Variants in NFXL1 observed in about 807,000 individuals in gnomAD.
NFXL1 encodes the protein nuclear transcription factor, X-box binding like 1.
In NFXL1, 66 loss-of-function variants were observed where a neutral mutation model predicts 123.3. The observed-to-expected ratio is 0.54, with a 90% CI of 0.44 to 0.66. NFXL1 has a LOEUF of 0.66. Ranked by LOEUF, NFXL1 falls within the 30% of genes least tolerant of loss-of-function variation. NFXL1 has a pLI of 0.00. For synonymous variants in NFXL1, 346 were observed against 360.8 expected, an observed-to-expected ratio of 0.96 and a Z score of 0.46; for missense variants, 944 against 1,125.6, an observed-to-expected ratio of 0.84 and a Z score of 2.31.
Position 47,889,946 on chromosome 4 carries a change from A to G in NFXL1, c.1543+667T>C, listed in dbSNP as rs1736668118. ...TTCTGTTAAGCTAGACATTAAAGAC[A>G]TTTGTAAAAATGTAAAATTTTCTAC... On this transcript the variant is annotated intron_variant, in intron 12 of 22. Coordinates refer to ENST00000507489, the MANE Select transcript of NFXL1 (RefSeq NM_001278624.2). 2.6e-5 allele frequency among the ~76,000 whole-genome samples: 4 copies of G among 152,178 alleles called. No homozygotes were observed. The South Asian group carries it at 6.2e-4, about 24-fold the overall frequency.
Position 47,848,228 on chromosome 4 carries a change from G to A in NFXL1, c.2671C>T (p.Leu891Phe), listed in dbSNP as rs752248993. ...LSLWQKHKYY[L>F]ISVCGVVVVV... ...ACCACAACTCCACACACTGAAATGA[G>A]ATAATATTTATGTTTTTGCCATAGT... The change falls in exon 23 of 23, where the codon CTC becomes TTC. Residue 891 changes from leucine (L) to phenylalanine (F), a missense_variant. Coordinates refer to ENST00000507489, the MANE Select transcript of NFXL1 (RefSeq NM_001278624.2). The A allele has an allele frequency of 6.2e-7, 1 of 1,612,530 alleles. No homozygotes were observed. Among genetic ancestry groups the A allele is most frequent in the Admixed American group, 1.7e-5 (1 of 59,968 alleles).
chr4:47,891,275 G>A (rs1736756400), intron 11 of NFXL1, among the ~76,000 whole-genome samples: 1 of 151,802 alleles, frequency 6.6e-6, no homozygotes, highest in Non-Finnish European at 1.5e-5. Flanking sequence ...CCACACCTCA[G>A]TAGTTTGTGT....
rs778957399 is a variant in NFXL1 at position 47,899,335 on chromosome 4, C to A, written c.826+35G>T. The A allele has an allele frequency of 2.6e-6, 4 of 1,543,078 alleles. No homozygotes were observed. In the South Asian group the frequency reaches 3.5e-5, roughly 13 times the overall value. ...GCCTCAATATAAGAAGAAATAATCA[C>A]CCACAAACAATTTAAAATGCAATAT... On this transcript the variant is annotated intron_variant, in intron 6 of 22. Transcript: ENST00000507489.
rs559855559 is a variant in NFXL1, at chr4:47,864,283, T to C, written c.2247-1368A>G. On this transcript the variant is annotated intron_variant, in intron 18 of 22. Transcript: ENST00000507489. Reference sequence around the variant, plus strand: ...ATTAACATGAAGCAGAAAAAGACTATGGTATAATAATATATACATATTGGT... The same window carrying C: ...ATTAACATGAAGCAGAAAAAGACTACGGTATAATAATATATACATATTGGT... Among the ~76,000 whole-genome samples, 14 of 152,284 alleles carry C rather than the reference T, an allele frequency of 9.2e-5. No homozygotes were observed. The East Asian group carries it at 1.7e-3, about 19-fold the overall frequency.
At chr4:47,869,083 G>A (rs961996755) in intron 18 of NFXL1, among the ~76,000 whole-genome samples, 3 of 152,096 alleles carry the variant, frequency 2.0e-5, no homozygotes, top group African/African-American at 7.2e-5. Flanking sequence ...AAATTATCCA[G>A]GCGTGGTGGT....
chr4:47,907,948 T>A (rs1012724714), intron 3 of NFXL1, among the ~76,000 whole-genome samples: 1 of 152,210 alleles, frequency 6.6e-6, no homozygotes, highest in Non-Finnish European at 1.5e-5. Flanking sequence ...CTTGCCAACC[T>A]AGACTTCTCA....
intron 20 of NFXL1, among the ~76,000 whole-genome samples, chr4:47,853,098 G>A (rs1280640126): frequency 6.6e-6 from 1 of 151,910 alleles, no homozygotes; most frequent in Non-Finnish European, 1.5e-5. Flanking sequence ...TAAGTATCGT[G>A]TGTTTATAGA....
chr4:47,884,387 C>A lies in NFXL1; in HGVS notation c.1875G>T (p.Gln625His), dbSNP rs1736303542. 6.2e-7 allele frequency: 1 copy of A among 1,610,602 alleles called. No individual in the cohort carries two copies. Among genetic ancestry groups the A allele is most frequent in the African/African-American group, 1.3e-5 (1 of 74,738 alleles). The change falls in exon 15 of 23, where the codon CAG becomes CAT. Residue 625 changes from glutamine to histidine, a missense_variant. By Grantham distance (24) the Gln-to-His change is conservative. Around this residue, in one of 4 missense-constraint regions of NFXL1, gnomAD observed 301 missense variants for 348.0 expected, o/e 0.86. Transcript: ENST00000507489. The part of the protein sequence containing the change: ...WEQPSEPAFI[Q>H]TALPCPPCQV... ...GACATGGAGGACACGGTAATGCAGT[C>A]TGAATAAATGCTGGCTCAGAAGGCT... is the stretch of plus-strand genomic sequence containing the variant.
At position 47,899,120 on chromosome 4, in the gene NFXL1, C is replaced by A. The variant is rs1737249944; in HGVS notation, c.827G>T (p.Gly276Val). The A allele has an allele frequency of 7.0e-7, 1 of 1,424,344 alleles. No individual in the cohort carries two copies. The allele number at this position is 1,424,344 out of a possible 1,614,324, so 88.2% of individuals were successfully genotyped here. ...CATCTTTGGACAAGGAGGGCAGGGA[C>A]CTAGAATTCAGTAAAAGCAAAAAAA... ...GHKCLLLCHPGPCPPCPKMVT... is the reference protein window; with the variant it reads ...GHKCLLLCHPVPCPPCPKMVT... Residue 276 changes from glycine to valine, a missense_variant and splice_region_variant, in exon 7 of 23, where the codon GGT (glycine) becomes GTT (valine). Physicochemically the swap from Gly to Val is moderately radical, Grantham distance 109 (BLOSUM62 -3). Transcript: ENST00000507489.
At chr4:47,901,476 A>G (rs541704571) in intron 5 of NFXL1, among the ~76,000 whole-genome samples, 1 of 152,298 alleles carries the variant, frequency 6.6e-6, no homozygotes, top group South Asian at 2.1e-4. Flanking sequence ...AAAAATATAT[A>G]CATAAGGTTT....
intron 9 of NFXL1, 77 bp from the exon 10 acceptor site, chr4:47,896,724 C>T (rs367895309): frequency 1.2e-5 from 12 of 983,512 alleles, no homozygotes; most frequent in Non-Finnish European, 1.5e-5. Context: ...GTTCTTCAGG[C>T]TCCCTAAGGA....
At chr4:47,854,329 A>G (rs1476767119) in intron 20 of NFXL1, among the ~76,000 whole-genome samples, 1 of 152,168 alleles carries the variant, frequency 6.6e-6, no homozygotes, top group African/African-American at 2.4e-5. Context: ...AGTTACGACT[A>G]TAACTGAGAT....
chr4:47,870,509 T>C (rs998920391), intron 18 of NFXL1, among the ~76,000 whole-genome samples: 3 of 152,108 alleles, frequency 2.0e-5, no homozygotes, highest in Non-Finnish European at 4.4e-5. Flanking sequence ...CCAATACTAT[T>C]TAACACTGGA....
chr4:47,877,313 T>C (rs1265372020), intron 17 of NFXL1: 1 of 374,558 alleles, frequency 2.7e-6, no homozygotes, highest in Non-Finnish European at 5.3e-6. Flanking sequence ...TCAAGTTCTA[T>C]CTTCTAGGAA....
chr4:47,913,354 T>C (rs560418935), intron 2 of NFXL1, among the ~76,000 whole-genome samples: 1 of 152,270 alleles, frequency 6.6e-6, no homozygotes, highest in African/African-American at 2.4e-5. Flanking sequence ...CAGAAGGACA[T>C]GGAATTTGTA....
chr4:47,905,881 T>C (rs1737546787), intron 3 of NFXL1, among the ~76,000 whole-genome samples: 1 of 152,212 alleles, frequency 6.6e-6, no homozygotes, highest in African/African-American at 2.4e-5. Flanking sequence ...TCACTATTTC[T>C]GCTTAAGAAG....
At chr4:47,894,855 C>T (rs1487446011) in intron 10 of NFXL1, among the ~76,000 whole-genome samples, 1 of 152,048 alleles carries the variant, frequency 6.6e-6, no homozygotes, top group Admixed American at 6.6e-5. Context: ...GGAATCCTTT[C>T]CAGAAGGTTT....
chr4:47,886,087 C>T (rs1736412455), intron 12 of NFXL1, 88 bp from the exon 13 acceptor site: 9 of 1,102,666 alleles, frequency 8.2e-6, no homozygotes, highest in Non-Finnish European at 1.1e-5. Flanking sequence ...TATATTCACA[C>T]AATGGGATAC....
chr4:47,899,157 AAAAT>A (rs1737254296), intron 6 of NFXL1, 37 bp from the exon 7 acceptor site: 7 of 1,390,942 alleles, frequency 5.0e-6, no homozygotes, highest in Middle Eastern at 4.6e-4. Context: ...AAAAAAAAAA[AAAAT>A]CTAAAGTCAG....
Sources: allele counts gnomAD v4.1 joint callset (sites outside exome capture counted in the v4.1 genomes callset), GRCh38; gene constraint gnomAD v4.1.1; regional missense constraint gnomAD v4.1.1; transcripts MANE v1.5; gene names NCBI Gene and HGNC (gene_info 2026-07-23, HGNC 2026-07-21).